Variants in DCLK2 observed in about 807,000 individuals in gnomAD.
The protein encoded by DCLK2 is serine/threonine-protein kinase DCLK2.
In DCLK2, 31 loss-of-function variants were observed where a neutral mutation model predicts 78.4. The observed-to-expected ratio is 0.40, with a 90% CI of 0.30 to 0.53. The LOEUF (loss-of-function observed/expected upper bound fraction) is 0.53. Among genes scored for constraint, DCLK2 ranks in the 20% least tolerant of loss-of-function variants. DCLK2 has a pLI of 0.61. For missense variants in DCLK2, 872 were observed against 973.7 expected (o/e 0.90, Z 1.39); for synonymous variants, 407 against 374.9 (o/e 1.09, Z -0.99).
chr4:150,181,305 A>G (rs772579025), intron 2 of DCLK2, among the ~76,000 whole-genome samples: 4 of 152,096 alleles, frequency 2.6e-5, no homozygotes, highest in African/African-American at 7.2e-5. Flanking sequence ...ACTTGGTGGA[A>G]AGCTCCAGAG....
At chr4:150,196,046 G>A (rs1739005386) in intron 3 of DCLK2, among the ~76,000 whole-genome samples, 3 of 151,982 alleles carry the variant, frequency 2.0e-5, no homozygotes, top group Admixed American at 6.6e-5. Flanking sequence ...CCACAGATAC[G>A]TTTATTAGGA....
intron 2 of DCLK2, among the ~76,000 whole-genome samples, chr4:150,191,491 G>T (rs556819730): frequency 6.6e-6 from 1 of 152,236 alleles, no homozygotes; most frequent in African/African-American, 2.4e-5. Flanking sequence ...GAAGTAAAAA[G>T]GCCTAAATGT....
chr4:150,191,584 T>C (rs541163447), intron 2 of DCLK2, among the ~76,000 whole-genome samples: 1 of 152,210 alleles, frequency 6.6e-6, no homozygotes, highest in Admixed American at 6.5e-5. Context: ...CCAACGGAGA[T>C]AGAAGAGAAC....
chr4:150,136,590 A>G (rs1019406272), intron 2 of DCLK2, among the ~76,000 whole-genome samples: 7 of 152,224 alleles, frequency 4.6e-5, no homozygotes, highest in Non-Finnish European at 1.0e-4. Flanking sequence ...GCAAGTGCTT[A>G]CTTCTCATCC....
intron 10 of DCLK2, 102 bp from the exon 11 acceptor site, chr4:150,239,640 A>T: frequency 7.1e-7 from 1 of 1,402,462 alleles, no homozygotes. Flanking sequence ...ATTCGAGTTT[A>T]ATAGTAAATG....
At chr4:150,085,721 C>T (rs555836702) in intron 1 of DCLK2, among the ~76,000 whole-genome samples, 4 of 152,328 alleles carry the variant, frequency 2.6e-5, no homozygotes, top group Non-Finnish European at 4.4e-5. Flanking sequence ...TGTGAGGATG[C>T]AGTGAGAAGT....
intron 10 of DCLK2, among the ~76,000 whole-genome samples, chr4:150,237,882 C>A (rs1742625846): frequency 6.6e-6 from 1 of 152,128 alleles, no homozygotes; most frequent in South Asian, 2.1e-4. Context: ...TAGGTCTCTG[C>A]AGCAGTTTAT....
chr4:150,256,466 A>T lies in DCLK2; in HGVS notation c.*219A>T. 1 of 563,294 alleles carries T rather than the reference A, an allele frequency of 1.8e-6. No individual in the cohort carries two copies. The highest frequency in any genetic ancestry group is 3.0e-6 in the Non-Finnish European group (1 of 332,932). The allele number at this position is 563,294 out of a possible 1,614,324, so 34.9% of individuals were successfully genotyped here. On this transcript the variant is annotated 3_prime_UTR_variant, in exon 16 of 16. Transcript: ENST00000296550. ...GGTTCCTGGAGGCATCAAAGGCTGC[A>T]TCCGTTCTGCCAACAGCTGTTCGGA...
At chr4:150,245,257 G>T (rs1017014473) in intron 12 of DCLK2, among the ~76,000 whole-genome samples, 1 of 152,156 alleles carries the variant, frequency 6.6e-6, no homozygotes, top group African/African-American at 2.4e-5. Flanking sequence ...GACAGTAGTG[G>T]TAATCTCTTT....
chr4:150,171,043 T>C (rs192619935), intron 2 of DCLK2, among the ~76,000 whole-genome samples: 1 of 152,354 alleles, frequency 6.6e-6, no homozygotes, highest in Admixed American at 6.5e-5. Flanking sequence ...CTTCTATAGG[T>C]AGCATCCCTA....
rs140421734 is a variant in DCLK2 at position 150,209,961 on chromosome 4, G to C, written c.1056+6072G>C. 9.3e-3 allele frequency among the ~76,000 whole-genome samples: 1,422 copies of C among 152,272 alleles called. 25 individuals are homozygous for C. The highest frequency in any genetic ancestry group is 0.032 in the African/African-American group (1,345 of 41,544). The stretch of plus-strand genomic sequence containing the variant: ...GTGGTGGCAGGTGCCTGTAATCCCA[G>C]CTACTCGGGAGGCTGAAGCAGGAGA... On this transcript the variant is annotated intron_variant, in intron 5 of 15. Transcript: ENST00000296550.
chr4:150,215,732 T>A (rs930722346), intron 5 of DCLK2, among the ~76,000 whole-genome samples: 14 of 152,178 alleles, frequency 9.2e-5, no homozygotes, highest in African/African-American at 3.1e-4. Context: ...GAAATATGAC[T>A]GGACAAAAAG....
intron 15 of DCLK2, chr4:150,253,256 T>C (rs755652296): frequency 1.8e-6 from 1 of 549,818 alleles, no homozygotes; most frequent in South Asian, 1.4e-5. Context: ...AACCTGGTTT[T>C]CTGCAGATAC....
At chr4:150,123,177 G>T (rs369331409) in intron 2 of DCLK2, among the ~76,000 whole-genome samples, 1 of 152,198 alleles carries the variant, frequency 6.6e-6, no homozygotes, top group Non-Finnish European at 1.5e-5. Flanking sequence ...GGGGGAAGAA[G>T]CCTAGCTTTT....
chr4:150,224,363 T>G, intron 7 of DCLK2, 138 bp from the exon 8 acceptor site: 1 of 710,932 alleles, frequency 1.4e-6, no homozygotes, highest in Non-Finnish European at 2.2e-6. Context: ...AGCCCAGGAG[T>G]TCAAGACCAA....
At position 150,253,387 on chromosome 4, in the gene DCLK2, T is replaced by A. The variant is rs935856854; in HGVS notation, c.2074-2633T>A. 4 of 1,273,068 alleles carry A rather than the reference T, an allele frequency of 3.1e-6. 1 individual carries two copies. The highest frequency in any genetic ancestry group is 4.1e-6 in the Non-Finnish European group (4 of 971,816). The allele number at this position is 1,273,068 out of a possible 1,614,324, so 78.9% of individuals were successfully genotyped here. ...ATCCCCAGAGCTGGGGCCTGAGACT[T>A]CAGTGAGAAAATGATGGGCTAGAAA... is the stretch of plus-strand genomic sequence containing the variant. On this transcript the variant is annotated intron_variant, in intron 15 of 15. Coordinates refer to ENST00000296550, the MANE Select transcript of DCLK2 (RefSeq NM_001040260.4).
intron 1 of DCLK2, among the ~76,000 whole-genome samples, chr4:150,087,652 A>C (rs1025103525): frequency 6.6e-6 from 1 of 152,228 alleles, no homozygotes; most frequent in Admixed American, 6.5e-5. Flanking sequence ...GGCATGATTT[A>C]ATGTTAATAG....
intron 1 of DCLK2, among the ~76,000 whole-genome samples, chr4:150,099,098 C>T (rs1730686467): frequency 6.6e-6 from 1 of 152,124 alleles, no homozygotes; most frequent in South Asian, 2.1e-4. Flanking sequence ...AAATGGGAGA[C>T]CTACAAGTTG....
At chr4:150,108,961 G>A (rs773523642) in intron 2 of DCLK2, among the ~76,000 whole-genome samples, 1 of 152,122 alleles carries the variant, frequency 6.6e-6, no homozygotes, top group East Asian at 1.9e-4. Context: ...CATGCAGCGG[G>A]TCCTCTTTGG....
Sources: allele counts gnomAD v4.1 joint callset (sites outside exome capture counted in the v4.1 genomes callset), GRCh38; gene constraint gnomAD v4.1.1; transcripts MANE v1.5; gene names NCBI Gene and HGNC (gene_info 2026-07-23, HGNC 2026-07-21).